SOX5: variants seen among roughly 807,000 people sequenced by gnomAD.
SOX5 encodes the protein SRY-box transcription factor 5.
SOX5 carries 9 observed loss-of-function variants against 92.0 expected under a neutral mutation model. That is an observed-to-expected ratio of 0.10 (90% CI 0.06 to 0.17). The LOEUF (loss-of-function observed/expected upper bound fraction) is 0.17. Among genes scored for constraint, SOX5 ranks in the 10% least tolerant of loss-of-function variants. The probability of loss-of-function intolerance (pLI) is 1.00; values close to 1 mark genes in which losing one functional copy is unlikely to be tolerated. For synonymous variants in SOX5, 344 were observed against 336.3 expected (o/e 1.02, Z -0.25); for missense variants, 642 against 944.5 (o/e 0.68, Z 4.20).
At chr12:24,552,157 CT>C (rs1953255417) in intron 1 of SOX5, among the ~76,000 whole-genome samples, 1 of 151,536 alleles carries the variant, frequency 6.6e-6, no homozygotes, top group South Asian at 2.1e-4. Flanking sequence ...GTTTTATATA[CT>C]CAAATTACTA....
intron 3 of SOX5, among the ~76,000 whole-genome samples, chr12:23,783,124 T>C (rs1346221164): frequency 2.6e-5 from 4 of 152,192 alleles, no homozygotes; most frequent in Non-Finnish European, 5.9e-5. Context: ...AGGCATATAC[T>C]GTCTGAAATA....
chr12:23,648,122 A>T lies in SOX5; in HGVS notation c.932-7225T>A, dbSNP rs1031646940. On this transcript the variant is annotated intron_variant, in intron 7 of 14. Coordinates refer to ENST00000451604, the MANE Select transcript of SOX5 (RefSeq NM_006940.6). ...AACAATTATAACTATAATACCAAAG[A>T]TCATTGATCACAGATCACCATAACA... Among the ~76,000 whole-genome samples, 4 of 152,306 alleles carry T rather than the reference A, an allele frequency of 2.6e-5. No individual in the cohort carries two copies. The East Asian group carries it at 5.8e-4, about 22-fold the overall frequency.
intron 4 of SOX5, among the ~76,000 whole-genome samples, chr12:23,988,194 G>C (rs2136230619): frequency 6.6e-6 from 1 of 152,268 alleles, no homozygotes; most frequent in South Asian, 2.1e-4. Flanking sequence ...AGAGGAGCAA[G>C]CTTGTAGGAA....
At chr12:23,823,033 G>C (rs139997443) in intron 3 of SOX5, among the ~76,000 whole-genome samples, 9 of 152,222 alleles carry the variant, frequency 5.9e-5, no homozygotes, top group African/African-American at 2.2e-4. Flanking sequence ...TGGGTCTCCT[G>C]AATACAGCAC....
intron 1 of SOX5, among the ~76,000 whole-genome samples, chr12:24,380,585 G>A (rs1596100389): frequency 6.6e-6 from 1 of 152,190 alleles, no homozygotes; most frequent in Non-Finnish European, 1.5e-5. Context: ...GGGAAAACAA[G>A]GATTTTCAAC....
At chr12:23,846,970 G>A (rs1241695789) in intron 2 of SOX5, among the ~76,000 whole-genome samples, 1 of 152,028 alleles carries the variant, frequency 6.6e-6, no homozygotes, top group Non-Finnish European at 1.5e-5. Flanking sequence ...ATAATTTATT[G>A]TATGGTTCTA....
chr12:24,486,185 C>G (rs1339141661), intron 1 of SOX5, among the ~76,000 whole-genome samples: 1 of 152,198 alleles, frequency 6.6e-6, no homozygotes, highest in Non-Finnish European at 1.5e-5. Flanking sequence ...GATCCTCCCA[C>G]CTTGGCTTCC....
intron 4 of SOX5, among the ~76,000 whole-genome samples, chr12:23,968,010 G>T (rs1197114857): frequency 6.6e-6 from 1 of 152,128 alleles, no homozygotes; most frequent in Non-Finnish European, 1.5e-5. Flanking sequence ...CCAACCCTTT[G>T]AGGTAGGCAC....
intron 3 of SOX5, among the ~76,000 whole-genome samples, chr12:23,832,309 T>C (rs1455029584): frequency 2.0e-5 from 3 of 152,022 alleles, no homozygotes; most frequent in African/African-American, 7.2e-5. Context: ...GAAATGTATA[T>C]AAATAAACTT....
At chr12:23,794,405 C>G (rs1351739187) in intron 3 of SOX5, among the ~76,000 whole-genome samples, 1 of 152,076 alleles carries the variant, frequency 6.6e-6, no homozygotes, top group African/African-American at 2.4e-5. Flanking sequence ...TGTAGTCTAG[C>G]AGCTACTATA....
chr12:23,970,698 C>T (rs1429896036), intron 4 of SOX5, among the ~76,000 whole-genome samples: 1 of 149,260 alleles, frequency 6.7e-6, no homozygotes, highest in African/African-American at 2.5e-5. Flanking sequence ...TTGATAAACA[C>T]TTGGGTTGTT....
intron 2 of SOX5, among the ~76,000 whole-genome samples, chr12:24,341,302 C>A (rs1346031321): frequency 1.3e-5 from 2 of 151,846 alleles, no homozygotes; most frequent in African/African-American, 4.8e-5. Context: ...CACAGGGAGA[C>A]CCTGTCTCTA....
At chr12:24,433,538 C>T (rs898587688) in intron 1 of SOX5, among the ~76,000 whole-genome samples, 3 of 152,136 alleles carry the variant, frequency 2.0e-5, no homozygotes, top group Admixed American at 1.3e-4. Flanking sequence ...ATATTGAATG[C>T]TTTGATGTTG....
intron 4 of SOX5, among the ~76,000 whole-genome samples, chr12:24,129,421 CT>C (rs1161789147): frequency 6.6e-6 from 1 of 152,132 alleles, no homozygotes; most frequent in Non-Finnish European, 1.5e-5. Flanking sequence ...ATCAAAACCC[CT>C]TTTCTTTGGG....
At chr12:23,642,057 C>A (rs374795067) in intron 7 of SOX5, among the ~76,000 whole-genome samples, 1 of 152,086 alleles carries the variant, frequency 6.6e-6, no homozygotes. Flanking sequence ...TGGCCTCTTG[C>A]AGTATGTTCA....
At chr12:23,603,390 G>T (rs1488449057) in intron 9 of SOX5, among the ~76,000 whole-genome samples, 1 of 147,328 alleles carries the variant, frequency 6.8e-6, no homozygotes, top group East Asian at 2.0e-4. Context: ...GCATTCATGG[G>T]ATGGAGAACA....
rs981638817 is a variant in SOX5, at chr12:23,541,956, A to G, written c.1771+1255T>C. ...TGAAACCCTCTCTCTGCGAAAATAC[A>G]AAAGTTAGTTGGGCATGGTGTCCCG... On this transcript the variant is annotated intron_variant, in intron 13 of 14. Transcript: ENST00000451604. Among the ~76,000 whole-genome samples the G allele has an allele frequency of 7.2e-5, 11 of 152,286 alleles. No individual in the cohort carries two copies. The South Asian group carries it at 1.5e-3, about 20-fold the overall frequency.
intron 1 of SOX5, among the ~76,000 whole-genome samples, chr12:24,464,385 C>T (rs1272747153): frequency 6.6e-6 from 1 of 151,122 alleles, no homozygotes; most frequent in Non-Finnish European, 1.5e-5. Context: ...TGCAGTGGCA[C>T]GATCTCGGCT....
chr12:23,707,162 G>A (rs964979287), intron 6 of SOX5, among the ~76,000 whole-genome samples: 1 of 152,144 alleles, frequency 6.6e-6, no homozygotes, highest in African/African-American at 2.4e-5. Flanking sequence ...AGGTATGGCT[G>A]TAGTCACCTT....
Sources: gnomAD v4.1 joint callset for allele counts (sites outside exome capture counted in the v4.1 genomes callset) on GRCh38, gnomAD v4.1.1 for gene constraint, MANE v1.5 for transcripts, NCBI Gene and HGNC (gene_info 2026-07-23, HGNC 2026-07-21) for gene names.